CEP85: variants seen among roughly 807,000 people sequenced by gnomAD.
CEP85 encodes centrosomal protein of 85 kDa.
Under a neutral mutation model 93.7 loss-of-function variants are expected in CEP85, and 58 were observed. The ratio of observed to expected loss-of-function variants is 0.62; its 90% confidence interval spans 0.50 to 0.77. The LOEUF is 0.77. Among genes scored for constraint, CEP85 ranks in the 30% least tolerant of loss-of-function variants. The probability of loss-of-function intolerance (pLI) is 0.00; values close to 1 mark genes in which losing one functional copy is unlikely to be tolerated. For missense variants in CEP85, 868 were observed against 922.0 expected (o/e 0.94, Z 0.76); for synonymous variants, 314 against 338.6 (o/e 0.93, Z 0.80).
chr1:26,257,774 G>GC (rs1553160069), intron 5 of CEP85, 44 bp downstream of exon 5: 5 of 1,608,250 alleles, frequency 3.1e-6, no homozygotes, highest in Non-Finnish European at 4.3e-6. Flanking sequence ...ACTCTCCCAG[G>GC]CCCCATTGAA....
At chr1:26,269,781 G>GTTTT (rs1557666724) in intron 9 of CEP85, among the ~76,000 whole-genome samples, 167 bp downstream of exon 9, 1 of 78,142 alleles carries the variant, frequency 1.3e-5, no homozygotes, top group African/African-American at 4.1e-5. Flanking sequence ...ATGGGAAGCG[G>GTTTT]CTTTTTTTTT....
intron 7 of CEP85, among the ~76,000 whole-genome samples, chr1:26,261,486 A>G (rs952449401): frequency 6.6e-6 from 1 of 152,052 alleles, no homozygotes; most frequent in Non-Finnish European, 1.5e-5. Context: ...AAAATAAAAG[A>G]AAGTTGGGTT....
At position 26,259,604 on chromosome 1, in the gene CEP85, A is replaced by G. The variant is rs1366262925; in HGVS notation, c.1156-13A>G. The G allele has an allele frequency of 1.3e-6, 2 of 1,599,762 alleles. No individual in the cohort carries two copies. The highest frequency in any genetic ancestry group is 2.2e-5 in the South Asian group (2 of 89,188). ...GGTAGAGAACAGTTACATATTGAGA[A>G]TCTTTCTGGCAGGAATTGCAGCGAG... On this transcript the variant is annotated splice_polypyrimidine_tract_variant and intron_variant, in intron 6 of 13. Transcript: ENST00000451429.
rs369575379 is a variant in CEP85 at position 26,247,440 on chromosome 1, G to GA, written c.208+3133dup. ...AGAGGAGTAAATTTAAAAATGAAAAGAAAAAAAAAAAGCCAGGGACAGTGG... is the reference window on the plus strand; with the variant it reads ...AGAGGAGTAAATTTAAAAATGAAAAGAAAAAAAAAAAAGCCAGGGACAGTGG... On this transcript the variant is annotated intron_variant, in intron 3 of 13. Coordinates refer to ENST00000451429, the MANE Select transcript of CEP85 (RefSeq NM_001319944.2). 6.4e-3 allele frequency among the ~76,000 whole-genome samples: 894 copies of GA among 140,040 alleles called. 6 individuals carry two copies. The highest frequency in any genetic ancestry group is 0.018 in the Middle Eastern group (5 of 276). 91.9% of individuals were successfully genotyped at this position (140,040 alleles called of 152,430 possible).
chr1:26,248,501 T>A (rs1410711571), intron 3 of CEP85, among the ~76,000 whole-genome samples: 5 of 151,964 alleles, frequency 3.3e-5, no homozygotes, highest in Non-Finnish European at 5.9e-5. Flanking sequence ...TTTTTTTACT[T>A]CTTCTTATTT....
rs752701850 is a variant in CEP85, at chr1:26,269,634, T to C, written c.1649+20T>C. The C allele has an allele frequency of 6.2e-7, 1 of 1,603,102 alleles. No individual in the cohort carries two copies. The highest frequency in any genetic ancestry group is 8.5e-7 in the Non-Finnish European group (1 of 1,173,260). On this transcript the variant is annotated intron_variant, in intron 9 of 13. Coordinates refer to ENST00000451429, the MANE Select transcript of CEP85 (RefSeq NM_001319944.2). ...ACATAGGTAAATAACCCTGTGGGAC[T>C]GAGAGGAGTGGAGAGTTAAGTTTTT...
intron 1 of CEP85, among the ~76,000 whole-genome samples, chr1:26,239,428 T>C (rs1447931113): frequency 1.3e-5 from 2 of 152,270 alleles, no homozygotes; most frequent in East Asian, 3.9e-4. Context: ...CTTGGCTCAC[T>C]GAAACCTCTG....
intron 6 of CEP85, among the ~76,000 whole-genome samples, chr1:26,259,052 T>C (rs1027653440): frequency 6.6e-6 from 1 of 152,226 alleles, no homozygotes; most frequent in Non-Finnish European, 1.5e-5. Context: ...TGACAGGTTA[T>C]AGCACTGGCT....
chr1:26,250,970 T>C (rs2089604193), intron 3 of CEP85, among the ~76,000 whole-genome samples: 1 of 137,834 alleles, frequency 7.3e-6, no homozygotes, highest in Non-Finnish European at 1.5e-5. Context: ...AGACAGAGTC[T>C]TATTTCTGTC....
rs757822741 is a variant in CEP85, at chr1:26,271,031, CTG to C, written c.1670_1671del (p.Val557GlyfsTer87). ...TCTTTCAGCCTGCAAGATAAACAGT[CTG>C]TGGAGGAGACCAGTGGAGAAGGTCC... On this transcript the variant is annotated frameshift_variant, in exon 10 of 14. Transcript: ENST00000451429. LOFTEE classifies it high-confidence loss of function. The C allele has an allele frequency of 6.2e-7, 1 of 1,611,546 alleles. No homozygotes were observed. The highest frequency in any genetic ancestry group is 1.3e-5 in the African/African-American group (1 of 74,854).
In CEP85 at chr1:26,255,517, A is replaced by G. The variant is rs1235992497; in HGVS notation, c.555A>G (p.Glu185=). 6.2e-7 allele frequency: 1 copy of G among 1,614,000 alleles called. No individual in the cohort carries two copies. The highest frequency in any genetic ancestry group is 1.3e-5 in the African/African-American group (1 of 74,900). ...EARKFDIPSM[E]STLNQSAMME... is the part of the protein sequence containing the mutation. The stretch of plus-strand genomic sequence containing the variant: ...GGAAGTTTGATATTCCTAGCATGGA[A>G]TCTACCCTCAATCAGTCGGCAATGA... Residue 185 remains glutamate, a synonymous_variant, in exon 4 of 14, where the codon GAA becomes GAG. Transcript: ENST00000451429.
intron 12 of CEP85, among the ~76,000 whole-genome samples, chr1:26,275,513 T>TGA (rs1239552062): frequency 1.4e-4 from 21 of 152,280 alleles, no homozygotes; most frequent in African/African-American, 5.1e-4. Flanking sequence ...TCTCCTGACC[T>TGA]TGTGATCCGC....
chr1:26,276,785 C>A, intron 13 of CEP85, 25 bp downstream of exon 13: 2 of 1,560,708 alleles, frequency 1.3e-6, no homozygotes, highest in Non-Finnish European at 1.8e-6. Flanking sequence ...CAGTCTGGGG[C>A]CCAGGAAGGA....
Position 26,255,352 on chromosome 1 carries a change from A to T in CEP85, c.390A>T (p.Thr130=), listed in dbSNP as rs773451076. 4 of 1,614,056 alleles carry T rather than the reference A, an allele frequency of 2.5e-6. No individual in the cohort carries two copies. The East Asian group carries it at 8.9e-5, about 36-fold the overall frequency. ...LSGLAESVGM[T]RNGDLGAMKH... ...GGTTGGCTGAAAGTGTGGGAATGACAAGAAATGGAGACCTCGGTGCAATGA... is the reference window on the plus strand; with the variant it reads ...GGTTGGCTGAAAGTGTGGGAATGACTAGAAATGGAGACCTCGGTGCAATGA... The change falls in exon 4 of 14, where the codon ACA becomes ACT. Residue 130 remains threonine (T), a synonymous_variant. Coordinates refer to ENST00000451429, the MANE Select transcript of CEP85 (RefSeq NM_001319944.2).
At chr1:26,252,762 T>C (rs1355439799) in intron 3 of CEP85, among the ~76,000 whole-genome samples, 1 of 152,200 alleles carries the variant, frequency 6.6e-6, no homozygotes, top group Non-Finnish European at 1.5e-5. Context: ...GTGTGGCCTT[T>C]TATATATCCC....
At chr1:26,252,633 G>A (rs948232694) in intron 3 of CEP85, among the ~76,000 whole-genome samples, 15 of 152,144 alleles carry the variant, frequency 9.9e-5, no homozygotes, top group African/African-American at 3.4e-4. Flanking sequence ...TTTAAGTTGT[G>A]AGACATCAGA....
In CEP85 at chr1:26,255,442, T is replaced by TA; in HGVS notation, c.480_481insA (p.Glu161ArgfsTer11). The TA allele has an allele frequency of 6.2e-7, 1 of 1,614,028 alleles. No individual in the cohort carries two copies. Among genetic ancestry groups the TA allele is most frequent in the Non-Finnish European group, 8.5e-7 (1 of 1,180,008 alleles). On this transcript the variant is annotated frameshift_variant, in exon 4 of 14. Coordinates refer to ENST00000451429, the MANE Select transcript of CEP85 (RefSeq NM_001319944.2). LOFTEE classifies it high-confidence loss of function. ...CTGGTGCTACTGGAGAAAATGGAATTGAGCAGTCCTGGTTTCCAGCAGTGG... is the reference window on the plus strand; with the variant it reads ...CTGGTGCTACTGGAGAAAATGGAATTAGAGCAGTCCTGGTTTCCAGCAGTGG...
chr1:26,276,685 C>T lies in CEP85; in HGVS notation c.2053C>T (p.Gln685Ter), dbSNP rs2090057491. ...QELASCLQDLQAVCSIVTQRA... is the reference protein window; with the variant it reads ...QELASCLQDL ...GTTGGCCAGTTGCCTTCAAGATCTG[C>T]AGGCTGTCTGTAGCATTGTGACCCA... Residue 685 changes from glutamine (Q) to a stop codon, truncating the protein, a stop_gained, in exon 13 of 14, where the codon CAG (glutamine) becomes TAG (stop). Coordinates refer to ENST00000451429, the MANE Select transcript of CEP85 (RefSeq NM_001319944.2). LOFTEE classifies it high-confidence loss of function. The T allele has an allele frequency of 1.2e-6, 2 of 1,614,198 alleles. No homozygotes were observed. The highest frequency in any genetic ancestry group is 1.7e-6 in the Non-Finnish European group (2 of 1,180,036).
In CEP85 at chr1:26,238,415, C is replaced by T. The variant is rs187856290; in HGVS notation, c.-22-1347C>T. Among the ~76,000 whole-genome samples the T allele has an allele frequency of 5.4e-3, 824 of 151,920 alleles. 10 individuals carry two copies. The highest frequency in any genetic ancestry group is 0.018 in the African/African-American group (750 of 41,398). The stretch of plus-strand genomic sequence containing the variant: ...GGGGTTTCACCATGTTGGCTGGTCT[C>T]GAACTCCTGACCTCAGGTGATCCGC... On this transcript the variant is annotated intron_variant, in intron 1 of 13. Transcript: ENST00000451429.
Sources: allele counts gnomAD v4.1 joint callset (sites outside exome capture counted in the v4.1 genomes callset), GRCh38; gene constraint gnomAD v4.1.1; transcripts MANE v1.5; gene names NCBI Gene and HGNC (gene_info 2026-07-23, HGNC 2026-07-21).